Variants in SMG6 observed in about 807,000 individuals in gnomAD.
The protein encoded by SMG6 is SMG6 nonsense mediated mRNA decay factor, also known as telomerase-binding protein EST1A.
SMG6 carries 66 observed loss-of-function variants against 142.2 expected under a neutral mutation model. That is an observed-to-expected ratio of 0.46 (90% confidence interval 0.38 to 0.57). The LOEUF (loss-of-function observed/expected upper bound fraction) is 0.57. Ranked by LOEUF, SMG6 falls within the 20% of genes least tolerant of loss-of-function variation. SMG6 has a pLI of 0.00. For synonymous variants in SMG6, 779 were observed against 702.4 expected (o/e 1.11, Z -1.72); for missense variants, 1,793 against 1,832.0 (o/e 0.98, Z 0.39).
intron 18 of SMG6, among the ~76,000 whole-genome samples, chr17:2,064,349 A>G (rs1186450152): frequency 6.6e-6 from 1 of 152,092 alleles, no homozygotes; most frequent in Non-Finnish European, 1.5e-5. Flanking sequence ...TGAGGCATGA[A>G]GGCCAGCTCA....
At chr17:2,164,896 C>T (rs2071286754) in intron 13 of SMG6, among the ~76,000 whole-genome samples, 1 of 151,980 alleles carries the variant, frequency 6.6e-6, no homozygotes, top group Admixed American at 6.5e-5. Flanking sequence ...AAGACTAAAC[C>T]ACTGTACTCC....
chr17:2,219,604 T>A (rs1319302164), intron 10 of SMG6, among the ~76,000 whole-genome samples: 1 of 151,388 alleles, frequency 6.6e-6, no homozygotes, highest in East Asian at 1.9e-4. Context: ...GCCTGGGCAA[T>A]ATAGTGAGGC....
rs968444914 is a variant in SMG6, at chr17:2,288,416, T to C, written c.2337+4136A>G. The stretch of plus-strand genomic sequence containing the variant: ...AGGTGGCTAGCTTGAAGTCAGGAGT[T>C]CAAGACCAGCCTGAGCAACATAGTG... On this transcript the variant is annotated intron_variant, in intron 6 of 18. Transcript: ENST00000263073. Among the ~76,000 whole-genome samples the C allele has an allele frequency of 9.9e-4, 149 of 150,418 alleles. 1 individual carries two copies. The highest frequency in any genetic ancestry group is 9.8e-3 in the Admixed American group (148 of 15,066).
intron 10 of SMG6, chr17:2,229,313 A>G (rs1046664847): frequency 2.0e-5 from 3 of 151,782 alleles, no homozygotes; most frequent in African/African-American, 4.8e-5. Flanking sequence ...ACTTACCCCA[A>G]CTCTCTTACC....
At chr17:2,199,184 C>T (rs755513369) in intron 10 of SMG6, among the ~76,000 whole-genome samples, 1 of 152,120 alleles carries the variant, frequency 6.6e-6, no homozygotes, top group Non-Finnish European at 1.5e-5. Flanking sequence ...AAATAAGGTA[C>T]ACATCTCAAA....
At chr17:2,209,779 C>G (rs983761837) in intron 10 of SMG6, among the ~76,000 whole-genome samples, 1 of 152,178 alleles carries the variant, frequency 6.6e-6, no homozygotes, top group Non-Finnish European at 1.5e-5. Flanking sequence ...GGATTACAGG[C>G]GTGAGGCACC....
At chr17:2,258,821 C>A (rs774915383) in intron 8 of SMG6, among the ~76,000 whole-genome samples, 4 of 149,878 alleles carry the variant, frequency 2.7e-5, no homozygotes, top group Admixed American at 2.0e-4. Context: ...AAGGAACTGG[C>A]GCGATGGCTC....
At chr17:2,215,236 C>T (rs1220939392) in intron 10 of SMG6, among the ~76,000 whole-genome samples, 1 of 152,140 alleles carries the variant, frequency 6.6e-6, no homozygotes, top group Non-Finnish European at 1.5e-5. Flanking sequence ...CGCGCGCACA[C>T]ACACACACAG....
chr17:2,292,301 G>A (rs764571126), intron 6 of SMG6, among the ~76,000 whole-genome samples: 1 of 152,202 alleles, frequency 6.6e-6, no homozygotes, highest in Non-Finnish European at 1.5e-5. Flanking sequence ...ATGGTGTTTA[G>A]CTGGAGCATG....
At chr17:2,179,568 C>T (rs971080779) in intron 12 of SMG6, among the ~76,000 whole-genome samples, 2 of 145,756 alleles carry the variant, frequency 1.4e-5, no homozygotes, top group Admixed American at 1.4e-4. Context: ...GCAGCAAGTA[C>T]AAGAATTTCT....
At chr17:2,109,781 C>A (rs1212628309) in intron 13 of SMG6, among the ~76,000 whole-genome samples, 1 of 151,762 alleles carries the variant, frequency 6.6e-6, no homozygotes, top group African/African-American at 2.4e-5. Context: ...CTATATACAC[C>A]CTAAACTTTA....
intron 10 of SMG6, among the ~76,000 whole-genome samples, chr17:2,220,113 G>T (rs1464421766): frequency 4.6e-5 from 7 of 152,036 alleles, no homozygotes; most frequent in Non-Finnish European, 4.4e-5. Context: ...TGTAGAGATG[G>T]GGTTTTGCCA....
chr17:2,102,678 G>A (rs928931667), intron 13 of SMG6, among the ~76,000 whole-genome samples: 4 of 151,754 alleles, frequency 2.6e-5, no homozygotes, highest in African/African-American at 9.7e-5. Flanking sequence ...ACCTCTTAAA[G>A]CAATTTTAAA....
intron 8 of SMG6, among the ~76,000 whole-genome samples, chr17:2,275,617 T>A (rs2074631903): frequency 6.6e-6 from 1 of 152,174 alleles, no homozygotes; most frequent in Admixed American, 6.6e-5. Context: ...TGATTTCTGA[T>A]GCTGTAATTT....
rs2068114414 is a variant in SMG6, at chr17:2,071,978, C to T, written c.3682-3047G>A. On this transcript the variant is annotated intron_variant, in intron 15 of 18. Transcript: ENST00000263073. The surrounding 1 kb of genome is among the most constrained non-coding windows in gnomAD (Gnocchi z 5.6). Reference sequence around the variant, plus strand: ...CCTGTGCCGGCCGTCACGTCCCATTCCGATCTCTGGGTCGCACGGTAAGAG... The same window carrying T: ...CCTGTGCCGGCCGTCACGTCCCATTTCGATCTCTGGGTCGCACGGTAAGAG... 1 of 152,186 alleles carries T rather than the reference C, an allele frequency of 6.6e-6. No homozygotes were observed. The highest frequency in any genetic ancestry group is 1.5e-5 in the Non-Finnish European group (1 of 68,050). 9.4% of individuals were successfully genotyped at this position (152,186 alleles called of 1,614,324 possible). A position where few individuals can be genotyped will look rare whatever the true frequency, so the allele number is the denominator to read the frequency against.
At chr17:2,226,144 G>A (rs567131087) in intron 10 of SMG6, among the ~76,000 whole-genome samples, 178 of 152,064 alleles carry the variant, frequency 1.2e-3, no homozygotes, top group Non-Finnish European at 2.0e-3. Flanking sequence ...GTGTGGTGGC[G>A]CATGCCTGTA....
At chr17:2,065,400 C>T in intron 17 of SMG6, 68 bp downstream of exon 17, 1 of 1,496,136 alleles carries the variant, frequency 6.7e-7, no homozygotes, top group Non-Finnish European at 9.2e-7. Context: ...CTCCTTCAGC[C>T]CTTCCTTCCT....
chr17:2,240,493 AC>A (rs917817539), intron 9 of SMG6, among the ~76,000 whole-genome samples: 32 of 149,812 alleles, frequency 2.1e-4, no homozygotes, highest in Middle Eastern at 3.4e-3. Flanking sequence ...AAAAAAAAAA[AC>A]AAATCATAGT....
intron 12 of SMG6, among the ~76,000 whole-genome samples, chr17:2,183,242 A>AG (rs2071862189): frequency 7.0e-6 from 1 of 143,598 alleles, no homozygotes; most frequent in Admixed American, 6.9e-5. Context: ...GTAGGAAGGC[A>AG]GGAAGGGAGG....
Sources: allele counts gnomAD v4.1 joint callset (sites outside exome capture counted in the v4.1 genomes callset), GRCh38; gene constraint gnomAD v4.1.1; non-coding constraint Gnocchi (gnomAD v3.1); transcripts MANE v1.5; gene names NCBI Gene and HGNC (gene_info 2026-07-23, HGNC 2026-07-21).